ARAP1: variants seen among roughly 807,000 people sequenced by gnomAD.
The protein encoded by ARAP1 is arf-GAP with Rho-GAP domain, ANK repeat and PH domain-containing protein 1.
A neutral mutation model predicts 172.2 loss-of-function variants in ARAP1; 76 were observed. That is an observed-to-expected ratio of 0.44 (90% confidence interval 0.37 to 0.53). The LOEUF (loss-of-function observed/expected upper bound fraction) is 0.53. Among genes scored for constraint, ARAP1 ranks in the 20% least tolerant of loss-of-function variants. The probability of loss-of-function intolerance (pLI) is 0.00; values close to 1 mark genes in which losing one functional copy is unlikely to be tolerated. For missense variants in ARAP1, 1,686 were observed against 1,977.5 expected (o/e 0.85, Z 2.80); for synonymous variants, 804 against 803.3 (o/e 1.00, Z -0.01).
intron 34 of ARAP1, 87 bp downstream of exon 34, chr11:72,685,955 A>G (rs1185283200): frequency 6.2e-7 from 1 of 1,608,952 alleles, no homozygotes; most frequent in African/African-American, 1.3e-5. Context: ...GGGGAGGGCA[A>G]TCAGGGCAAT....
rs550972169 is a variant in ARAP1, at chr11:72,722,412, C to G, written c.509+4208G>C. On this transcript the variant is annotated intron_variant, in intron 3 of 34. Transcript: ENST00000393609. ...CCTCCCCGCCCCCAGGCTGCACCCC[C>G]ACCCAAGCTGGGAAGAGACAACCAA... 19 of 956,748 alleles carry G rather than the reference C, an allele frequency of 2.0e-5. No homozygotes were observed. In the Admixed American group the frequency reaches 8.6e-4, roughly 43 times the overall value. The allele number at this position is 956,748 out of a possible 1,614,324, so 59.3% of individuals were successfully genotyped here.
At chr11:72,739,271 C>T (rs957547717) in intron 1 of ARAP1, among the ~76,000 whole-genome samples, 22 of 152,168 alleles carry the variant, frequency 1.4e-4, no homozygotes, top group Admixed American at 2.0e-4. Flanking sequence ...TCCTGTCCTA[C>T]CCCAGGCCGC....
chr11:72,703,096 G>A lies in ARAP1; in HGVS notation c.1993-17C>T. 6.5e-7 allele frequency: 1 copy of A among 1,537,608 alleles called. No individual in the cohort carries two copies. Among genetic ancestry groups the A allele is most frequent in the Non-Finnish European group, 8.7e-7 (1 of 1,145,198 alleles). The stretch of plus-strand genomic sequence containing the variant: ...ACACAGGGCCTAGGAAGAGGCAGGG[G>A]AGGGTCAGCCCAAGAAGGAGTAGGG... On this transcript the variant is annotated splice_polypyrimidine_tract_variant and intron_variant, in intron 14 of 34. Transcript: ENST00000393609.
At chr11:72,716,172 CAAAAAAAAAAAA>C (rs201462857) in intron 3 of ARAP1, among the ~76,000 whole-genome samples, 1 of 73,302 alleles carries the variant, frequency 1.4e-5, no homozygotes. Flanking sequence ...GACTCCGTCT[CAAAAAAAAAAAA>C]AAAAAAAAAA....
At chr11:72,697,224 G>T in intron 21 of ARAP1, 29 bp from the exon 22 acceptor site, 1 of 1,593,494 alleles carries the variant, frequency 6.3e-7, no homozygotes, top group Non-Finnish European at 8.5e-7. Flanking sequence ...AAGCGTTCGG[G>T]GCCTGAGGCA....
chr11:72,687,351 G>C, intron 33 of ARAP1, 88 bp downstream of exon 33: 6 of 1,523,192 alleles, frequency 3.9e-6, no homozygotes, highest in Non-Finnish European at 5.5e-6. Flanking sequence ...CAAGGGGTGG[G>C]TTGAATAGCA....
chr11:72,710,898 A>G lies in ARAP1; in HGVS notation c.1213+123T>C, dbSNP rs570750999. On this transcript the variant is annotated intron_variant, in intron 9 of 34. Transcript: ENST00000393609. The surrounding 1 kb of genome is among the most constrained non-coding windows in gnomAD (Gnocchi z 4.3). ...CCTCTGCCCACCTCACAAAGGCAGC[A>G]TGCCTCCCCGGATGTGATGTGAGAG... 130 of 1,544,628 alleles carry G rather than the reference A, an allele frequency of 8.4e-5. 2 individuals are homozygous for G. In the South Asian group the frequency reaches 1.6e-3, roughly 19 times the overall value.
At chr11:72,738,489 G>C (rs902728574) in intron 1 of ARAP1, among the ~76,000 whole-genome samples, 2 of 152,048 alleles carry the variant, frequency 1.3e-5, no homozygotes, top group Non-Finnish European at 2.9e-5. Flanking sequence ...CTGGGTTCAA[G>C]GAAAGACCTA....
intron 22 of ARAP1, 61 bp downstream of exon 22, chr11:72,696,922 C>T (rs1392021194): frequency 2.0e-6 from 3 of 1,515,982 alleles, no homozygotes; most frequent in African/African-American, 1.4e-5. Flanking sequence ...AAGGGAAGGG[C>T]GCAGGAGTCC....
rs749546150 is a variant in ARAP1, at chr11:72,697,642, C to T, written c.2745G>A (p.Gln915=). ...QLRKLQELSI[Q]GDSENQVLVL... Reference sequence around the variant, plus strand: ...CCAGCACCTGGTTCTCACTGTCCCCCTGGATGGCTGTGGAGGGGTTAGTCA... The same window carrying T: ...CCAGCACCTGGTTCTCACTGTCCCCTTGGATGGCTGTGGAGGGGTTAGTCA... Residue 915 remains glutamine, a synonymous_variant, in exon 20 of 35, where the codon CAG becomes CAA. Transcript: ENST00000393609. 13 of 1,614,010 alleles carry T rather than the reference C, an allele frequency of 8.1e-6. No homozygotes were observed. Among genetic ancestry groups the T allele is most frequent in the African/African-American group, 6.7e-5 (5 of 74,936 alleles).
intron 13 of ARAP1, chr11:72,704,574 GAC>G (rs1856670227): frequency 2.0e-6 from 1 of 504,608 alleles, no homozygotes; most frequent in Non-Finnish European, 3.5e-6. Context: ...TCAGCAGACT[GAC>G]AGGTGGATGC....
intron 3 of ARAP1, among the ~76,000 whole-genome samples, chr11:72,715,301 C>T (rs1857222503): frequency 6.6e-6 from 1 of 152,224 alleles, no homozygotes; most frequent in Non-Finnish European, 1.5e-5. Context: ...GCCCTGGAGG[C>T]CTGGCCCCAC....
chr11:72,685,615 A>T lies in ARAP1; in HGVS notation c.*49T>A. The T allele has an allele frequency of 6.2e-7, 1 of 1,613,938 alleles. No homozygotes were observed. Among genetic ancestry groups the T allele is most frequent in the East Asian group, 2.2e-5 (1 of 44,882 alleles). ...CTTGGAGCATAAGGGGTGTCTGAAC[A>T]GAAGGCTTCCAGCGGCGGAATCCTA... On this transcript the variant is annotated 3_prime_UTR_variant, in exon 35 of 35. Transcript: ENST00000393609.
chr11:72,710,346 G>C lies in ARAP1; in HGVS notation c.1416+39C>G. The C allele has an allele frequency of 6.2e-7, 1 of 1,608,450 alleles. No individual in the cohort carries two copies. The highest frequency in any genetic ancestry group is 8.5e-7 in the Non-Finnish European group (1 of 1,175,632). ...TAGGTCAGCCTGGGGCAGGGTAGGT[G>C]GACATGGGCAGGGGAGAGGTTCCAT... On this transcript the variant is annotated intron_variant, in intron 10 of 34. Transcript: ENST00000393609. This position sits in a 1 kb window ranked among gnomAD's most constrained non-coding sequence, Gnocchi z 4.3.
rs1444981182 is a variant in ARAP1, at chr11:72,688,548, G to T, written c.3988-11C>A. 26 of 1,609,080 alleles carry T rather than the reference G, an allele frequency of 1.6e-5. No individual in the cohort carries two copies. The highest frequency in any genetic ancestry group is 2.1e-5 in the Non-Finnish European group (25 of 1,177,546). On this transcript the variant is annotated splice_polypyrimidine_tract_variant and intron_variant, in intron 30 of 34. Coordinates refer to ENST00000393609, the MANE Select transcript of ARAP1 (RefSeq NM_001040118.3). ...CTCAGGCCGGTGACTCTGAGGTAGG[G>T]CAAGGAGAAGAGGGCACTTTAGTCT...
At position 72,687,498 on chromosome 11, in the gene ARAP1, G is replaced by A; in HGVS notation, c.4126C>T (p.Leu1376Phe). 1 of 1,614,186 alleles carries A rather than the reference G, an allele frequency of 6.2e-7. No individual in the cohort carries two copies. ...AGCTCCATCTGTGTGTCACAGCAGA[G>A]GTACCTGCAGGGTTGGACGCGGACC... ...TEKHEKQQWY[L>F]CCDTQMELRE... is the part of the protein sequence containing the mutation. The change falls in exon 33 of 35, where the codon CTC (leucine) becomes TTC (phenylalanine). Residue 1376 changes from leucine (L) to phenylalanine (F), a missense_variant. Transcript: ENST00000393609.
Position 72,712,154 on chromosome 11 carries a change from C to T in ARAP1, c.1022+42G>A. The T allele has an allele frequency of 2.0e-6, 3 of 1,522,646 alleles. No individual in the cohort carries two copies. In the South Asian group the frequency reaches 3.7e-5, roughly 19 times the overall value. 94.3% of individuals were successfully genotyped at this position (1,522,646 alleles called of 1,614,324 possible). On this transcript the variant is annotated intron_variant, in intron 7 of 34. Transcript: ENST00000393609. ...GGGGTCCTGGACACTGCCCCCCACCCCCCCATGCAGAGCACAGCAGGACCC... is the reference window on the plus strand; with the variant it reads ...GGGGTCCTGGACACTGCCCCCCACCTCCCCATGCAGAGCACAGCAGGACCC...
At chr11:72,715,443 G>C (rs1469916949) in intron 3 of ARAP1, among the ~76,000 whole-genome samples, 3 of 152,200 alleles carry the variant, frequency 2.0e-5, no homozygotes, top group Non-Finnish European at 4.4e-5. Flanking sequence ...AGGAAGGGCT[G>C]GGAGGCAGTG....
Position 72,685,549 on chromosome 11 carries a change from G to T in ARAP1, c.*115C>A, listed in dbSNP as rs765661985. Reference sequence around the variant, plus strand: ...TCAGGATGGAGGATGTGGGTTGTGGGGTGCAGTTTCCCATGCACCCCCCGC... The same window carrying T: ...TCAGGATGGAGGATGTGGGTTGTGGTGTGCAGTTTCCCATGCACCCCCCGC... On this transcript the variant is annotated 3_prime_UTR_variant, in exon 35 of 35. Transcript: ENST00000393609. The T allele has an allele frequency of 2.2e-4, 309 of 1,403,222 alleles. No homozygotes were observed. The highest frequency in any genetic ancestry group is 2.9e-4 in the Non-Finnish European group (291 of 992,306). The allele number at this position is 1,403,222 out of a possible 1,614,324, so 86.9% of individuals were successfully genotyped here. A position where few individuals can be genotyped will look rare whatever the true frequency, so the allele number is the denominator to read the frequency against.
Sources: allele counts gnomAD v4.1 joint callset (sites outside exome capture counted in the v4.1 genomes callset), GRCh38; gene constraint gnomAD v4.1.1; non-coding constraint Gnocchi (gnomAD v3.1); transcripts MANE v1.5; gene names NCBI Gene and HGNC (gene_info 2026-07-23, HGNC 2026-07-21).